The following FREM3 variants were observed in gnomAD, a reference collection of about 807,000 sequenced individuals.
FREM3 encodes FRAS1-related extracellular matrix protein 3.
FREM3 carries 105 observed loss-of-function variants against 129.1 expected under a neutral mutation model. The observed-to-expected ratio is 0.81, with a 90% confidence interval of 0.69 to 0.96. The LOEUF (loss-of-function observed/expected upper bound fraction) is 0.96, where lower values mean the gene tolerates loss of function less well. Among genes scored for constraint, FREM3 ranks in the 40% least tolerant of loss-of-function variants. FREM3 has a pLI of 0.00. For synonymous variants in FREM3, 1,014 were observed against 1,044.9 expected (o/e 0.97, Z 0.57); for missense variants, 2,593 against 2,666.3 (o/e 0.97, Z 0.61).
At chr4:143,614,754 C>T (rs1018173492) in intron 5 of FREM3, among the ~76,000 whole-genome samples, 2 of 152,176 alleles carry the variant, frequency 1.3e-5, no homozygotes, top group South Asian at 2.1e-4. Flanking sequence ...ACAAGGCACG[C>T]GAAAGCTGAT....
chr4:143,600,656 A>G (rs917414998), intron 6 of FREM3, among the ~76,000 whole-genome samples: 10 of 152,224 alleles, frequency 6.6e-5, no homozygotes, highest in Non-Finnish European at 1.3e-4. Flanking sequence ...ACCTTCAAAT[A>G]TAAAAGTTGT....
chr4:143,603,014 G>A (rs1242428628), intron 6 of FREM3, among the ~76,000 whole-genome samples: 1 of 152,174 alleles, frequency 6.6e-6, no homozygotes, highest in Non-Finnish European at 1.5e-5. Flanking sequence ...TCCTGCTTAT[G>A]AAGTGGTTGC....
chr4:143,695,600 ATCT>A lies in FREM3; in HGVS notation c.5073_5075del (p.Glu1691del), dbSNP rs2149863843. Reference sequence around the variant, plus strand: ...TCAGAAGCCTGTGGGGACTGTCCTGATCTTCTGCCTTCAGAGACTTGCTGGTAA... The same window carrying A: ...TCAGAAGCCTGTGGGGACTGTCCTGATCTGCCTTCAGAGACTTGCTGGTAA... On this transcript the variant is annotated inframe_deletion, in exon 1 of 8. Transcript: ENST00000329798. 2 of 1,537,242 alleles carry A rather than the reference ATCT, an allele frequency of 1.3e-6. No homozygotes were observed. Among genetic ancestry groups the A allele is most frequent in the Admixed American group, 2.0e-5 (1 of 51,004 alleles).
At chr4:143,587,792 C>T (rs1301444652) in intron 6 of FREM3, among the ~76,000 whole-genome samples, 1 of 152,148 alleles carries the variant, frequency 6.6e-6, no homozygotes, top group African/African-American at 2.4e-5. Flanking sequence ...TTGGGTATCT[C>T]TTATCTGCAG....
intron 2 of FREM3, among the ~76,000 whole-genome samples, chr4:143,663,574 C>T: frequency 6.6e-6 from 1 of 152,014 alleles, no homozygotes; most frequent in Non-Finnish European, 1.5e-5. Flanking sequence ...TGGAGTTGCT[C>T]TTCTCGAGGC....
chr4:143,612,809 C>T (rs1266881618), intron 5 of FREM3, among the ~76,000 whole-genome samples: 1 of 152,130 alleles, frequency 6.6e-6, no homozygotes, highest in Non-Finnish European at 1.5e-5. Context: ...GAAATAATAA[C>T]CTATTATACC....
At chr4:143,644,222 T>C (rs887659592) in intron 2 of FREM3, among the ~76,000 whole-genome samples, 8 of 152,150 alleles carry the variant, frequency 5.3e-5, no homozygotes, top group African/African-American at 1.9e-4. Context: ...TTTGCACACG[T>C]GTTTCTTTTC....
intron 2 of FREM3, among the ~76,000 whole-genome samples, chr4:143,683,915 T>G (rs1043370750): frequency 8.5e-5 from 13 of 152,084 alleles, no homozygotes; most frequent in African/African-American, 3.1e-4. Flanking sequence ...ACAACCTGTA[T>G]GACTAGAGGC....
chr4:143,597,707 A>T (rs928215504), intron 6 of FREM3, among the ~76,000 whole-genome samples: 1 of 152,224 alleles, frequency 6.6e-6, no homozygotes, highest in Non-Finnish European at 1.5e-5. Flanking sequence ...GCATAAACTT[A>T]ACTAAGGCAG....
At chr4:143,578,335 T>C (rs534570706) in intron 7 of FREM3, among the ~76,000 whole-genome samples, 82 of 152,234 alleles carry the variant, frequency 5.4e-4, no homozygotes, top group Non-Finnish European at 8.1e-4. Flanking sequence ...TCGGTTGTTA[T>C]TAATCATTTT....
chr4:143,684,280 C>T (rs1385225263), intron 2 of FREM3, among the ~76,000 whole-genome samples: 1 of 152,196 alleles, frequency 6.6e-6, no homozygotes, highest in Non-Finnish European at 1.5e-5. Context: ...TCCAACGGAA[C>T]AGGAACTGCT....
At chr4:143,620,785 G>A (rs1198004714) in intron 5 of FREM3, among the ~76,000 whole-genome samples, 1 of 152,090 alleles carries the variant, frequency 6.6e-6, no homozygotes, top group Non-Finnish European at 1.5e-5. Flanking sequence ...CCCTTCGTGG[G>A]GTAGTTAAAA....
At chr4:143,648,277 G>A (rs1384999417) in intron 2 of FREM3, among the ~76,000 whole-genome samples, 1 of 152,234 alleles carries the variant, frequency 6.6e-6, no homozygotes, top group Non-Finnish European at 1.5e-5. Context: ...CTCTTAGGCA[G>A]AAGGGATTTG....
At chr4:143,618,369 CA>C (rs530984529) in intron 5 of FREM3, among the ~76,000 whole-genome samples, 22 of 151,838 alleles carry the variant, frequency 1.4e-4, no homozygotes, top group Non-Finnish European at 2.9e-4. Flanking sequence ...GAGATCCCCA[CA>C]TAAGAAGGTA....
At chr4:143,641,224 T>C (rs1281735847) in intron 2 of FREM3, among the ~76,000 whole-genome samples, 1 of 152,116 alleles carries the variant, frequency 6.6e-6, no homozygotes, top group Non-Finnish European at 1.5e-5. Flanking sequence ...GTACACAGTG[T>C]ACTCAAAGGA....
intron 2 of FREM3, among the ~76,000 whole-genome samples, chr4:143,676,492 T>A (rs1475398940): frequency 6.6e-6 from 1 of 152,160 alleles, no homozygotes; most frequent in African/African-American, 2.4e-5. Context: ...AAGACAGGGA[T>A]GCCCTCTCTC....
At chr4:143,636,174 T>A (rs1405534477) in intron 2 of FREM3, among the ~76,000 whole-genome samples, 3 of 150,892 alleles carry the variant, frequency 2.0e-5, no homozygotes, top group Non-Finnish European at 1.5e-5. Context: ...TTTTTTTTTT[T>A]AAACTACATA....
intron 2 of FREM3, among the ~76,000 whole-genome samples, chr4:143,661,899 G>A (rs1220522954): frequency 6.6e-6 from 1 of 152,156 alleles, no homozygotes; most frequent in Non-Finnish European, 1.5e-5. Flanking sequence ...AGTATTCTCT[G>A]ATGATAGTTT....
At chr4:143,621,206 A>T (rs1484566288) in intron 4 of FREM3, 44 bp from the exon 5 acceptor site, 26 of 1,528,636 alleles carry the variant, frequency 1.7e-5, no homozygotes, top group Non-Finnish European at 2.2e-5. Context: ...TTTAGATTTG[A>T]TCGGTGATAT....
Sources: gnomAD v4.1 joint callset for allele counts (sites outside exome capture counted in the v4.1 genomes callset) on GRCh38, gnomAD v4.1.1 for gene constraint, MANE v1.5 for transcripts, NCBI Gene and HGNC (gene_info 2026-07-23, HGNC 2026-07-21) for gene names.